Variants in ATP1A1 observed in about 807,000 individuals in gnomAD.
ATP1A1 encodes sodium/potassium-transporting ATPase subunit alpha-1.
Under a neutral mutation model 114.8 loss-of-function variants are expected in ATP1A1, and 14 were observed. The observed-to-expected ratio is 0.12, with a 90% CI of 0.08 to 0.19. The LOEUF (loss-of-function observed/expected upper bound fraction) is 0.19, where lower values mean the gene tolerates loss of function less well. Ranked by LOEUF, ATP1A1 falls within the 10% of genes least tolerant of loss-of-function variation. The pLI, the probability that ATP1A1 is intolerant of heterozygous loss-of-function variation, is 1.00. For missense variants in ATP1A1, 524 were observed against 1,290.7 expected, an observed-to-expected ratio of 0.41 and a Z score of 9.10; for synonymous variants, 471 against 466.3, an observed-to-expected ratio of 1.01 and a Z score of -0.13.
At chr1:116,403,829 C>A (rs1187678065) in intron 21 of ATP1A1, 55 bp from the exon 22 acceptor site, 4 of 1,461,478 alleles carry the variant, frequency 2.7e-6, no homozygotes, top group South Asian at 1.2e-5. Flanking sequence ...ATTTCTCTTT[C>A]TTTATTTGAA....
chr1:116,373,756 A>AG lies in ATP1A1; in HGVS notation c.12+239dup, dbSNP rs1191481226. On this transcript the variant is annotated intron_variant, in intron 1 of 22. Transcript: ENST00000295598. ...GAGGGGCTGGAGCGCGGCATTGCTT[A>AG]GGGGGGTGGGCGGACCCTGGGCGGG... 11 of 656,884 alleles carry AG rather than the reference A, an allele frequency of 1.7e-5. No homozygotes were observed. The East Asian group carries it at 1.5e-3, about 87-fold the overall frequency. The allele number at this position is 656,884 out of a possible 1,614,324, so 40.7% of individuals were successfully genotyped here.
intron 1 of ATP1A1, among the ~76,000 whole-genome samples, chr1:116,379,720 T>G (rs1470883609): frequency 1.3e-5 from 2 of 152,228 alleles, no homozygotes; most frequent in Non-Finnish European, 2.9e-5. Flanking sequence ...CAAGTTATAA[T>G]AATAGCCTTT....
rs752519292 is a variant in ATP1A1 at position 116,398,701 on chromosome 1, G to A, written c.2205G>A (p.Gly735=). 4 of 1,614,190 alleles carry A rather than the reference G, an allele frequency of 2.5e-6. No individual in the cohort carries two copies. Among genetic ancestry groups the A allele is most frequent in the Non-Finnish European group, 3.4e-6 (4 of 1,180,036 alleles). ...AAGCAGACATTGGGGTTGCTATGGG[G>A]ATTGCTGGCTCAGATGTGTCCAAGC... The part of the protein sequence containing the change: ...LKKADIGVAM[G]IAGSDVSKQA... Residue 735 remains glycine (G), a synonymous_variant, in exon 16 of 23, where the codon GGG becomes GGA. Transcript: ENST00000295598. This position sits in a 1 kb window ranked among gnomAD's most constrained non-coding sequence, Gnocchi z 6.1.
At chr1:116,378,248 G>A (rs1219783727) in intron 1 of ATP1A1, among the ~76,000 whole-genome samples, 3 of 152,180 alleles carry the variant, frequency 2.0e-5, no homozygotes. Context: ...TTGATCAATA[G>A]ACCTCATTCC....
At chr1:116,391,739 G>A (rs1652484744) in intron 10 of ATP1A1, among the ~76,000 whole-genome samples, 1 of 152,134 alleles carries the variant, frequency 6.6e-6, no homozygotes, top group African/African-American at 2.4e-5. Context: ...TGTATCTTGA[G>A]GATAAAACTT....
Position 116,399,160 on chromosome 1 carries a change from A to C in ATP1A1, c.2448+76A>C, listed in dbSNP as rs1031889722. 127 of 1,593,302 alleles carry C rather than the reference A, an allele frequency of 8.0e-5. No individual in the cohort carries two copies. Among genetic ancestry groups the C allele is most frequent in the Non-Finnish European group, 1.1e-4 (124 of 1,164,528 alleles). On this transcript the variant is annotated intron_variant, in intron 17 of 22. Coordinates refer to ENST00000295598, the MANE Select transcript of ATP1A1 (RefSeq NM_000701.8). The surrounding 1 kb of genome is among the most constrained non-coding windows in gnomAD (Gnocchi z 5.0). Reference sequence around the variant, plus strand: ...CTTCATTCACTGGCACTATGCTCCCAGCATCCATGAGGCTGGCGTTGGGAA... The same window carrying C: ...CTTCATTCACTGGCACTATGCTCCCCGCATCCATGAGGCTGGCGTTGGGAA...
chr1:116,395,308 G>A lies in ATP1A1; in HGVS notation c.1836+23G>A, dbSNP rs752227783. 2 of 1,611,498 alleles carry A rather than the reference G, an allele frequency of 1.2e-6. No homozygotes were observed. Among genetic ancestry groups the A allele is most frequent in the African/African-American group, 1.3e-5 (1 of 74,932 alleles). ...AAGGTAGTGCCCAGGCGCCTCCTTG[G>A]CTTCATCTCTTAGTGCCTTGGGACA... is the stretch of plus-strand genomic sequence containing the variant. On this transcript the variant is annotated intron_variant, in intron 13 of 22. Transcript: ENST00000295598. The surrounding 1 kb of genome is among the most constrained non-coding windows in gnomAD (Gnocchi z 6.4).
At position 116,401,531 on chromosome 1, in the gene ATP1A1, T is replaced by C. The variant is rs756005424; in HGVS notation, c.2850-23T>C. On this transcript the variant is annotated intron_variant, in intron 20 of 22. Transcript: ENST00000295598. The surrounding 1 kb of genome is among the most constrained non-coding windows in gnomAD (Gnocchi z 4.7). ...ACCTTTATTTGCACCTTTTAAGTTTTTTCTCCCCTACTTTGATTTTAGGAA... is the reference window on the plus strand; with the variant it reads ...ACCTTTATTTGCACCTTTTAAGTTTCTTCTCCCCTACTTTGATTTTAGGAA... 6.2e-7 allele frequency: 1 copy of C among 1,612,324 alleles called. No homozygotes were observed.
chr1:116,383,875 A>G lies in ATP1A1; in HGVS notation c.13-139A>G, dbSNP rs1314385648. 5.9e-6 allele frequency: 4 copies of G among 679,452 alleles called. No homozygotes were observed. In the Admixed American group the frequency reaches 1.1e-4, roughly 18 times the overall value. 42.1% of individuals were successfully genotyped at this position (679,452 alleles called of 1,614,324 possible). A position where few individuals can be genotyped will look rare whatever the true frequency, so the allele number is the denominator to read the frequency against. ...TATGTAGTAGGCAATATATGGGTATACATTTTCCTGACTATTATCTTAATG... is the reference window on the plus strand; with the variant it reads ...TATGTAGTAGGCAATATATGGGTATGCATTTTCCTGACTATTATCTTAATG... On this transcript the variant is annotated intron_variant, in intron 1 of 22. Coordinates refer to ENST00000295598, the MANE Select transcript of ATP1A1 (RefSeq NM_000701.8).
chr1:116,390,529 C>CTT (rs1261190970), intron 9 of ATP1A1, 118 bp downstream of exon 9: 541 of 910,466 alleles, frequency 5.9e-4, no homozygotes, highest in African/African-American at 5.9e-3. Flanking sequence ...CTTTTTCTTT[C>CTT]TTTTTTGTTT....
intron 14 of ATP1A1, 78 bp downstream of exon 14, chr1:116,396,812 T>A: frequency 6.8e-7 from 1 of 1,462,778 alleles, no homozygotes; most frequent in Non-Finnish European, 9.1e-7. Context: ...CGTGGTTCTA[T>A]AATGGTTTGC....
In ATP1A1 at chr1:116,399,678, G is replaced by A. The variant is rs1653258935; in HGVS notation, c.2572+135G>A. 1 of 1,234,586 alleles carries A rather than the reference G, an allele frequency of 8.1e-7. No individual in the cohort carries two copies. Among genetic ancestry groups the A allele is most frequent in the Non-Finnish European group, 1.1e-6 (1 of 906,198 alleles). The allele number at this position is 1,234,586 out of a possible 1,614,324, so 76.5% of individuals were successfully genotyped here. A position where few individuals can be genotyped will look rare whatever the true frequency, so the allele number is the denominator to read the frequency against. On this transcript the variant is annotated intron_variant, in intron 18 of 22. Coordinates refer to ENST00000295598, the MANE Select transcript of ATP1A1 (RefSeq NM_000701.8). This position sits in a 1 kb window ranked among gnomAD's most constrained non-coding sequence, Gnocchi z 5.0. ...GGTCTAGGATGAGCCCTAACGGAGT[G>A]AGCCTGTGGAGTTTCTCTGAACTCT...
rs115965910 is a variant in ATP1A1, at chr1:116,394,964, C to T, written c.1661-146C>T. ...TATCGTTCATAAATGTTAAATAAAA[C>T]CCTCACTCTGTTATAAAAATATAGA... On this transcript the variant is annotated intron_variant, in intron 12 of 22. Coordinates refer to ENST00000295598, the MANE Select transcript of ATP1A1 (RefSeq NM_000701.8). The T allele has an allele frequency of 2.3e-3, 1,734 of 750,368 alleles. 30 individuals are homozygous for T. The African/African-American group carries it at 0.028, about 12-fold the overall frequency. 46.5% of individuals were successfully genotyped at this position (750,368 alleles called of 1,614,324 possible). A position where few individuals can be genotyped will look rare whatever the true frequency, so the allele number is the denominator to read the frequency against.
chr1:116,375,617 CA>C (rs1651312647), intron 1 of ATP1A1, among the ~76,000 whole-genome samples: 2 of 152,290 alleles, frequency 1.3e-5, no homozygotes, highest in South Asian at 4.1e-4. Context: ...TGGTAGTTAG[CA>C]TTTTGAGTAT....
chr1:116,390,963 G>A (rs1344991022), intron 10 of ATP1A1, 72 bp downstream of exon 10: 1 of 1,331,614 alleles, frequency 7.5e-7, no homozygotes, highest in Non-Finnish European at 1.1e-6. Context: ...GTTAAAAGTA[G>A]CAAATTACCT....
Position 116,398,153 on chromosome 1 carries a change from A to T in ATP1A1, c.2124+115A>T. On this transcript the variant is annotated intron_variant, in intron 15 of 22. Transcript: ENST00000295598. This position sits in a 1 kb window ranked among gnomAD's most constrained non-coding sequence, Gnocchi z 6.1. ...ATGCATACCTCGCTGTATTAGACTC[A>T]GTATAAATAGGCCAGTAGGAAGCTC... 7.2e-7 allele frequency: 1 copy of T among 1,394,416 alleles called. No homozygotes were observed. The highest frequency in any genetic ancestry group is 9.7e-7 in the Non-Finnish European group (1 of 1,031,312). 86.4% of individuals were successfully genotyped at this position (1,394,416 alleles called of 1,614,324 possible).
intron 9 of ATP1A1, 58 bp downstream of exon 9, chr1:116,390,469 C>A: frequency 2.1e-6 from 3 of 1,446,360 alleles, no homozygotes; most frequent in South Asian, 1.4e-5. Context: ...GGTTTTTTTT[C>A]TTTTAAGAAA....
intron 1 of ATP1A1, chr1:116,374,080 G>T: frequency 7.0e-7 from 1 of 1,426,508 alleles, no homozygotes; most frequent in Non-Finnish European, 9.2e-7. Context: ...CAGCCTCCGG[G>T]TTCGGGGCTC....
At chr1:116,376,138 G>A (rs532063880) in intron 1 of ATP1A1, among the ~76,000 whole-genome samples, 17 of 152,320 alleles carry the variant, frequency 1.1e-4, no homozygotes, top group African/African-American at 4.1e-4. Flanking sequence ...CTTCTCAAGT[G>A]TGTAAAAGAT....
Sources: allele counts gnomAD v4.1 joint callset (sites outside exome capture counted in the v4.1 genomes callset), GRCh38; gene constraint gnomAD v4.1.1; non-coding constraint Gnocchi (gnomAD v3.1); transcripts MANE v1.5; gene names NCBI Gene and HGNC (gene_info 2026-07-23, HGNC 2026-07-21).